Variants in MLLT11 observed in about 807,000 individuals in gnomAD.
MLLT11 encodes the protein protein AF1q.
MLLT11 carries 1 observed loss-of-function variant against 5.3 expected under a neutral mutation model. The observed-to-expected ratio is 0.19, with a 90% confidence interval of 0.07 to 0.89. The LOEUF is 0.89. MLLT11 is among the 40% of genes least tolerant of loss of function. The pLI, the probability that MLLT11 is intolerant of heterozygous loss-of-function variation, is 0.67. For missense variants in MLLT11, 87 were observed against 107.3 expected (o/e 0.81, Z 0.83); for synonymous variants, 38 against 41.7 (o/e 0.91, Z 0.34).
At position 151,067,587 on chromosome 1, in the gene MLLT11, T is replaced by C; in HGVS notation, c.*90T>C. ...CACTCCTTTCCCATTTTAATCTTGT[T>C]CTCTCCCTACTGTGTTGGTGGTGCT... On this transcript the variant is annotated 3_prime_UTR_variant, in exon 2 of 2. Coordinates refer to ENST00000368921, the MANE Select transcript of MLLT11 (RefSeq NM_006818.4). 7.2e-7 allele frequency: 1 copy of C among 1,393,138 alleles called. No individual in the cohort carries two copies. The highest frequency in any genetic ancestry group is 1.0e-6 in the Non-Finnish European group (1 of 1,004,842). The allele number at this position is 1,393,138 out of a possible 1,614,324, so 86.3% of individuals were successfully genotyped here. A position where few individuals can be genotyped will look rare whatever the true frequency, so the allele number is the denominator to read the frequency against.
intron 1 of MLLT11, among the ~76,000 whole-genome samples, chr1:151,064,943 A>G (rs1182655310): frequency 1.3e-5 from 2 of 152,234 alleles, no homozygotes; most frequent in Non-Finnish European, 2.9e-5. Context: ...ATATTGTGGT[A>G]CAAGGCACTG....
In MLLT11 at chr1:151,067,431, C is replaced by T. The variant is rs1676490500; in HGVS notation, c.207C>T (p.Tyr69=). ...CTGAAGGTGATGGCCTCCTTGAGTA[C>T]AGCACCTTCAACTTCTGGAGAGCTC... ...KNPEGDGLLE[Y]STFNFWRAPI... is the part of the protein sequence containing the mutation. The change falls in exon 2 of 2, where the codon TAC becomes TAT. Residue 69 remains tyrosine (Y), a synonymous_variant. Transcript: ENST00000368921. 3 of 1,614,018 alleles carry T rather than the reference C, an allele frequency of 1.9e-6. No homozygotes were observed. The highest frequency in any genetic ancestry group is 1.7e-5 in the Admixed American group (1 of 59,976).
In MLLT11 at chr1:151,069,321, G is replaced by A. The variant is rs1043705298; in HGVS notation, c.*1824G>A. ...CCCTAAATAAGGATGATCTAGAGAA[G>A]TCCCCAGGTGGGAGAAAAAAAGACA... On this transcript the variant is annotated 3_prime_UTR_variant, in exon 2 of 2. Transcript: ENST00000368921. 6.6e-6 allele frequency among the ~76,000 whole-genome samples: 1 copy of A among 152,112 alleles called. No individual in the cohort carries two copies. Among genetic ancestry groups the A allele is most frequent in the Non-Finnish European group, 1.5e-5 (1 of 68,022 alleles).
chr1:151,067,737 C>G lies in MLLT11; in HGVS notation c.*240C>G. 1.8e-6 allele frequency: 1 copy of G among 552,126 alleles called. No homozygotes were observed. 34.2% of individuals were successfully genotyped at this position (552,126 alleles called of 1,614,324 possible). ...ATGGAGTACTGGGTCACAGGGATTC[C>G]TCCTTTCCCCCCCAAATATTAACTC... On this transcript the variant is annotated 3_prime_UTR_variant, in exon 2 of 2. Coordinates refer to ENST00000368921, the MANE Select transcript of MLLT11 (RefSeq NM_006818.4).
At chr1:151,061,456 C>T (rs1676406558) in intron 1 of MLLT11, among the ~76,000 whole-genome samples, 1 of 152,160 alleles carries the variant, frequency 6.6e-6, no homozygotes, top group Non-Finnish European at 1.5e-5. Context: ...AATCATGTAT[C>T]TCTAAGAACA....
intron 1 of MLLT11, among the ~76,000 whole-genome samples, chr1:151,061,656 G>A (rs1571855641): frequency 6.6e-6 from 1 of 152,310 alleles, no homozygotes; most frequent in East Asian, 1.9e-4. Flanking sequence ...TTGTGGAGGG[G>A]AAGGGGAAGC....
In MLLT11 at chr1:151,069,223, A is replaced by G. The variant is rs1178847492; in HGVS notation, c.*1726A>G. ...GAATGAGACAAGACTCCAACTCTCA[A>G]AAGAGAAACTGTAAATACCAATATG... On this transcript the variant is annotated 3_prime_UTR_variant, in exon 2 of 2. Coordinates refer to ENST00000368921, the MANE Select transcript of MLLT11 (RefSeq NM_006818.4). Among the ~76,000 whole-genome samples, 1 of 152,152 alleles carries G rather than the reference A, an allele frequency of 6.6e-6. No individual in the cohort carries two copies. The highest frequency in any genetic ancestry group is 1.9e-4 in the East Asian group (1 of 5,198).
At position 151,060,568 on chromosome 1, in the gene MLLT11, G is replaced by T. The variant is rs984029357; in HGVS notation, c.-7+15G>T. The stretch of plus-strand genomic sequence containing the variant: ...ATTGATAACAGGTAAACCAAACTGA[G>T]GGAGGGGGCAGGGGGCTGCAAAGAT... On this transcript the variant is annotated intron_variant, in intron 1 of 1. Coordinates refer to ENST00000368921, the MANE Select transcript of MLLT11 (RefSeq NM_006818.4). 1 of 152,260 alleles carries T rather than the reference G, an allele frequency of 6.6e-6. No homozygotes were observed. The highest frequency in any genetic ancestry group is 2.4e-5 in the African/African-American group (1 of 41,450). 9.4% of individuals were successfully genotyped at this position (152,260 alleles called of 1,614,324 possible).
chr1:151,066,835 G>C (rs938725958), intron 1 of MLLT11, among the ~76,000 whole-genome samples: 14 of 151,998 alleles, frequency 9.2e-5, no homozygotes, highest in African/African-American at 3.4e-4. Context: ...TGAGGCAGGA[G>C]AATGGTGTGA....
intron 1 of MLLT11, chr1:151,067,009 G>C: frequency 2.2e-6 from 1 of 460,302 alleles, no homozygotes; most frequent in Non-Finnish European, 3.8e-6. Context: ...TCTCTCCAGA[G>C]GCAATTGGGG....
At chr1:151,067,084 TTTTC>T (rs1388241719) in intron 1 of MLLT11, 131 bp from the exon 2 acceptor site, 27 of 743,040 alleles carry the variant, frequency 3.6e-5, no homozygotes, top group South Asian at 1.5e-4. Flanking sequence ...GGATATACAA[TTTTC>T]TTTCTTTAAT....
chr1:151,067,020 A>G lies in MLLT11; in HGVS notation c.-6-199A>G, dbSNP rs184225085. On this transcript the variant is annotated intron_variant, in intron 1 of 1. Coordinates refer to ENST00000368921, the MANE Select transcript of MLLT11 (RefSeq NM_006818.4). Reference sequence around the variant, plus strand: ...GGATTCTCTCCAGAGGCAATTGGGGATGGTGAGTTTCTTTTTTTTCCTCCC... The same window carrying G: ...GGATTCTCTCCAGAGGCAATTGGGGGTGGTGAGTTTCTTTTTTTTCCTCCC... 3.2e-4 allele frequency: 149 copies of G among 470,994 alleles called. 1 individual carries two copies. Among genetic ancestry groups the G allele is most frequent in the African/African-American group, 2.8e-3 (139 of 49,710 alleles). 29.2% of individuals were successfully genotyped at this position (470,994 alleles called of 1,614,324 possible).
At chr1:151,064,187 A>T (rs1676445024) in intron 1 of MLLT11, among the ~76,000 whole-genome samples, 1 of 151,962 alleles carries the variant, frequency 6.6e-6, no homozygotes, top group African/African-American at 2.4e-5. Context: ...TCGCCTGGCT[A>T]ATTTTGTATT....
chr1:151,063,840 G>C (rs1332648651), intron 1 of MLLT11, among the ~76,000 whole-genome samples: 3 of 152,134 alleles, frequency 2.0e-5, no homozygotes, highest in African/African-American at 7.2e-5. Flanking sequence ...GAAAGTGATA[G>C]ATCCATTAAC....
chr1:151,067,118 A>T, intron 1 of MLLT11, 101 bp from the exon 2 acceptor site: 1 of 959,764 alleles, frequency 1.0e-6, no homozygotes, highest in Non-Finnish European at 1.5e-6. Context: ...AAAAAAAAAG[A>T]AATTCCTTTT....
rs1676518927 is a variant in MLLT11 at position 151,068,982 on chromosome 1, A to G, written c.*1485A>G. 6.6e-6 allele frequency among the ~76,000 whole-genome samples: 1 copy of G among 152,228 alleles called. No individual in the cohort carries two copies. The highest frequency in any genetic ancestry group is 2.1e-4 in the South Asian group (1 of 4,836). The stretch of plus-strand genomic sequence containing the variant: ...TGAACTTCGCATTGAACAGATAATG[A>G]AAGGGCAAAATCAACTTAAAATTAG... On this transcript the variant is annotated 3_prime_UTR_variant, in exon 2 of 2. Coordinates refer to ENST00000368921, the MANE Select transcript of MLLT11 (RefSeq NM_006818.4).
In MLLT11 at chr1:151,069,064, CATT is replaced by C. The variant is rs1392316222; in HGVS notation, c.*1570_*1572del. On this transcript the variant is annotated 3_prime_UTR_variant, in exon 2 of 2. Transcript: ENST00000368921. The stretch of plus-strand genomic sequence containing the variant: ...CTTCTGCTTGCCCACTGACTACCAA[CATT>C]ATATTTCAGGTAATAATTCTCCTAG... 6.6e-6 allele frequency among the ~76,000 whole-genome samples: 1 copy of C among 152,112 alleles called. No individual in the cohort carries two copies. Among genetic ancestry groups the C allele is most frequent in the Non-Finnish European group, 1.5e-5 (1 of 68,022 alleles).
chr1:151,065,776 T>C (rs1277747315), intron 1 of MLLT11, among the ~76,000 whole-genome samples: 1 of 152,202 alleles, frequency 6.6e-6, no homozygotes, highest in Non-Finnish European at 1.5e-5. Context: ...TTTTTAAGTA[T>C]AATAGGAGTT....
intron 1 of MLLT11, among the ~76,000 whole-genome samples, chr1:151,064,022 T>TTATA (rs1226000549): frequency 7.2e-5 from 6 of 83,724 alleles, no homozygotes; most frequent in Non-Finnish European, 1.8e-4. Context: ...ATTTATTTAT[T>TTATA]TATTATTACT....
Sources: allele counts gnomAD v4.1 joint callset (sites outside exome capture counted in the v4.1 genomes callset), GRCh38; gene constraint gnomAD v4.1.1; transcripts MANE v1.5; gene names NCBI Gene and HGNC (gene_info 2026-07-23, HGNC 2026-07-21).